The following DCP1B variants were observed in gnomAD, a reference collection of about 807,000 sequenced individuals.
The protein encoded by DCP1B is decapping mRNA 1B.
A neutral mutation model predicts 60.5 loss-of-function variants in DCP1B; 47 were observed. The ratio of observed to expected loss-of-function variants is 0.78; its 90% CI spans 0.61 to 0.99. The LOEUF is 0.99. Ranked by LOEUF, DCP1B falls within the 50% of genes least tolerant of loss-of-function variation. The pLI is 0.00. For synonymous variants in DCP1B, 267 were observed against 280.3 expected (o/e 0.95, Z 0.47); for missense variants, 725 against 756.8 (o/e 0.96, Z 0.49).
At chr12:1,998,010 T>A (rs754019929) in intron 1 of DCP1B, 35 bp from the exon 2 acceptor site, 4 of 1,578,590 alleles carry the variant, frequency 2.5e-6, no homozygotes, top group Middle Eastern at 1.7e-4. Context: ...AAGACATGTA[T>A]GTTCTCTTCA....
intron 6 of DCP1B, 135 bp downstream of exon 6, chr12:1,955,297 C>G (rs1170245927): frequency 8.9e-7 from 1 of 1,118,674 alleles, no homozygotes; most frequent in Admixed American, 2.7e-5. Context: ...AATCTGTATT[C>G]TGAAATCCCG....
At chr12:1,968,371 A>T (rs967219829) in intron 3 of DCP1B, among the ~76,000 whole-genome samples, 1 of 150,710 alleles carries the variant, frequency 6.6e-6, no homozygotes, top group Non-Finnish European at 1.5e-5. Flanking sequence ...AAAAAAAAGC[A>T]TCAAAATTTA....
Position 1,989,983 on chromosome 12 carries a change from C to T in DCP1B, c.319+3281G>A, listed in dbSNP as rs117745943. The stretch of plus-strand genomic sequence containing the variant: ...GGCTAAAAAAACTTGCTTTTTAAAC[C>T]TTGGAGCGTACTCTAAAATAACTAA... On this transcript the variant is annotated intron_variant, in intron 3 of 8. Transcript: ENST00000280665. Among the ~76,000 whole-genome samples the T allele has an allele frequency of 2.7e-3, 409 of 152,180 alleles. 1 individual carries two copies. Among genetic ancestry groups the T allele is most frequent in the Non-Finnish European group, 4.7e-3 (320 of 67,998 alleles).
At chr12:1,956,775 C>T (rs916340493) in intron 5 of DCP1B, among the ~76,000 whole-genome samples, 6 of 152,224 alleles carry the variant, frequency 3.9e-5, no homozygotes, top group African/African-American at 1.4e-4. Context: ...ATCCCTTACA[C>T]AATTTTGGCA....
At chr12:1,976,742 C>T (rs1193404611) in intron 3 of DCP1B, among the ~76,000 whole-genome samples, 2 of 150,390 alleles carry the variant, frequency 1.3e-5, no homozygotes, top group East Asian at 3.9e-4. Flanking sequence ...TGCAAAATGT[C>T]ATGTATATAT....
At chr12:1,998,661 G>C (rs998983334) in intron 1 of DCP1B, among the ~76,000 whole-genome samples, 1 of 152,172 alleles carries the variant, frequency 6.6e-6, no homozygotes, top group Non-Finnish European at 1.5e-5. Context: ...GGTTTAACTA[G>C]GTCACTTCAC....
Position 1,971,181 on chromosome 12 carries a change from A to AT in DCP1B, c.320-3272dup. ...TTGGTGCATGAAGCTCAACTCAACT[A>AT]TTTCTACATCTCTCCTGGAGGTAAG... is the stretch of plus-strand genomic sequence containing the variant. On this transcript the variant is annotated intron_variant, in intron 3 of 8. Transcript: ENST00000280665. This position sits in a 1 kb window ranked among gnomAD's most constrained non-coding sequence, Gnocchi z 4.2. 1 of 1,289,056 alleles carries AT rather than the reference A, an allele frequency of 7.8e-7. No individual in the cohort carries two copies. The highest frequency in any genetic ancestry group is 1.0e-6 in the Non-Finnish European group (1 of 988,236). The allele number at this position is 1,289,056 out of a possible 1,614,324, so 79.9% of individuals were successfully genotyped here.
chr12:1,949,380 C>A, intron 7 of DCP1B, 46 bp from the exon 8 acceptor site: 1 of 1,599,370 alleles, frequency 6.3e-7, no homozygotes. Context: ...AGGAGCAGCT[C>A]ACGGCATGAT....
chr12:1,988,888 C>T (rs1331493297), intron 3 of DCP1B, among the ~76,000 whole-genome samples: 1 of 152,172 alleles, frequency 6.6e-6, no homozygotes, highest in Non-Finnish European at 1.5e-5. Flanking sequence ...TACAAAACTA[C>T]CCAAAATGGT....
At chr12:1,955,103 C>T (rs928714188) in intron 6 of DCP1B, among the ~76,000 whole-genome samples, 1 of 152,148 alleles carries the variant, frequency 6.6e-6, no homozygotes, top group Non-Finnish European at 1.5e-5. Context: ...ATGATCCTCT[C>T]GCCTCAGCCT....
chr12:1,948,445 T>C lies in DCP1B; in HGVS notation c.1773+641A>G, dbSNP rs1427747574. ...GTTGTTATGTAAGGAGTGAATGAGT[T>C]ATATGCTTGTGTGTAGCACTGAAAA... On this transcript the variant is annotated intron_variant, in intron 8 of 8. Transcript: ENST00000280665. The surrounding 1 kb of genome is among the most constrained non-coding windows in gnomAD (Gnocchi z 4.8). Among the ~76,000 whole-genome samples, 1 of 152,224 alleles carries C rather than the reference T, an allele frequency of 6.6e-6. No individual in the cohort carries two copies. The highest frequency in any genetic ancestry group is 1.5e-5 in the Non-Finnish European group (1 of 68,038).
intron 3 of DCP1B, among the ~76,000 whole-genome samples, chr12:1,986,627 G>A (rs2037865492): frequency 6.6e-6 from 1 of 150,474 alleles, no homozygotes; most frequent in Admixed American, 6.6e-5. Context: ...AAAGAAAAGG[G>A]GGAAGTTTTT....
chr12:1,948,957 T>G lies in DCP1B; in HGVS notation c.1773+129A>C. The G allele has an allele frequency of 3.7e-5, 45 of 1,231,370 alleles. No individual in the cohort carries two copies. Among genetic ancestry groups the G allele is most frequent in the Non-Finnish European group, 4.5e-5 (40 of 883,980 alleles). 76.3% of individuals were successfully genotyped at this position (1,231,370 alleles called of 1,614,324 possible). A position where few individuals can be genotyped will look rare whatever the true frequency, so the allele number is the denominator to read the frequency against. ...AGCACAGAAGCCGCTGGGGTCAGGA[T>G]GAGTTGTTACACACACCTGTTATTC... On this transcript the variant is annotated intron_variant, in intron 8 of 8. Coordinates refer to ENST00000280665, the MANE Select transcript of DCP1B (RefSeq NM_152640.5). This position sits in a 1 kb window ranked among gnomAD's most constrained non-coding sequence, Gnocchi z 4.8.
intron 3 of DCP1B, among the ~76,000 whole-genome samples, chr12:1,978,296 AAAGTACTG>A (rs1158733241): frequency 2.6e-5 from 4 of 152,208 alleles, no homozygotes; most frequent in Admixed American, 6.5e-5. Context: ...ATGTTGGTTT[AAAGTACTG>A]AAGATGTGTT....
intron 1 of DCP1B, among the ~76,000 whole-genome samples, chr12:1,999,303 T>G (rs888504045): frequency 2.0e-5 from 3 of 152,202 alleles, no homozygotes; most frequent in African/African-American, 7.2e-5. Context: ...CAAAATCCAT[T>G]ATGGCACAAA....
chr12:1,984,008 T>G (rs2036919581), intron 3 of DCP1B, among the ~76,000 whole-genome samples: 3 of 152,126 alleles, frequency 2.0e-5, no homozygotes, highest in Admixed American at 1.3e-4. Flanking sequence ...TAATTTTCAT[T>G]GTTCTGACAT....
At chr12:1,945,910 C>T (rs1265765317), downstream of DCP1B, 58 of 182,858 alleles carry the variant, frequency 3.2e-4, no homozygotes, top group South Asian at 1.8e-4. Context: ...GGAGGAAGCG[C>T]GTTAGGAGAA....
In DCP1B at chr12:1,958,456, C is replaced by T. The variant is rs537276179; in HGVS notation, c.523-2896G>A. Among the ~76,000 whole-genome samples, 42 of 141,646 alleles carry T rather than the reference C, an allele frequency of 3.0e-4. 1 individual carries two copies. Among genetic ancestry groups the T allele is most frequent in the African/African-American group, 1.0e-3 (38 of 37,272 alleles). 92.9% of individuals were successfully genotyped at this position (141,646 alleles called of 152,430 possible). On this transcript the variant is annotated intron_variant, in intron 5 of 8. Transcript: ENST00000280665. ...AGGAAACAGGGGAAAAGCTCCCTAA[C>T]GTCGCTCTGGGCAATGGCTTTTTCT...
chr12:1,989,936 C>T (rs899453107), intron 3 of DCP1B, among the ~76,000 whole-genome samples: 4 of 152,162 alleles, frequency 2.6e-5, no homozygotes, highest in Non-Finnish European at 4.4e-5. Context: ...TCTCTAATAA[C>T]TGATATATGC....
Sources: gnomAD v4.1 joint callset for allele counts (sites outside exome capture counted in the v4.1 genomes callset) on GRCh38, gnomAD v4.1.1 for gene constraint, Gnocchi (gnomAD v3.1) non-coding constraint, MANE v1.5 for transcripts, NCBI Gene and HGNC (gene_info 2026-07-23, HGNC 2026-07-21) for gene names.